GRM5: variants seen among roughly 807,000 people sequenced by gnomAD.
GRM5 encodes metabotropic glutamate receptor 5.
A neutral mutation model predicts 83.1 loss-of-function variants in GRM5; 19 were observed. That is an observed-to-expected ratio of 0.23 (90% CI 0.16 to 0.34). The LOEUF (loss-of-function observed/expected upper bound fraction) is 0.34. Among genes scored for constraint, GRM5 ranks in the 10% least tolerant of loss-of-function variants. GRM5 has a pLI of 1.00. For synonymous variants in GRM5, 675 were observed against 633.6 expected (o/e 1.07, Z -0.98); for missense variants, 1,160 against 1,588.3 (o/e 0.73, Z 4.58).
chr11:88,739,195 A>C (rs951897714), intron 3 of GRM5, among the ~76,000 whole-genome samples: 1 of 152,060 alleles, frequency 6.6e-6, no homozygotes, highest in Non-Finnish European at 1.5e-5. Flanking sequence ...TCTCCTTGGC[A>C]TATGGTAAAC....
At chr11:88,616,179 C>T (rs1435296988) in intron 4 of GRM5, among the ~76,000 whole-genome samples, 1 of 151,966 alleles carries the variant, frequency 6.6e-6, no homozygotes, top group African/African-American at 2.4e-5. Flanking sequence ...GTACCTGGTC[C>T]CTGACCCAAG....
intron 2 of GRM5, among the ~76,000 whole-genome samples, chr11:88,851,525 A>T (rs1346951445): frequency 6.6e-6 from 1 of 152,210 alleles, no homozygotes; most frequent in African/African-American, 2.4e-5. Context: ...ATGTTAGCTC[A>T]CTGCTCCTTA....
At chr11:89,020,202 C>G (rs1312475839) in intron 2 of GRM5, among the ~76,000 whole-genome samples, 1 of 152,196 alleles carries the variant, frequency 6.6e-6, no homozygotes, top group Non-Finnish European at 1.5e-5. Flanking sequence ...GTGAAAGTCT[C>G]AGATAACACA....
chr11:88,764,130 A>G (rs1017720559), intron 3 of GRM5, among the ~76,000 whole-genome samples: 4 of 151,828 alleles, frequency 2.6e-5, no homozygotes, highest in African/African-American at 9.7e-5. Context: ...CAAGAAGGGC[A>G]TCACATATTG....
At chr11:88,825,301 G>C (rs1255759014) in intron 3 of GRM5, among the ~76,000 whole-genome samples, 1 of 150,984 alleles carries the variant, frequency 6.6e-6, no homozygotes, top group Non-Finnish European at 1.5e-5. Flanking sequence ...GATGTATATT[G>C]TTTTTGTGAA....
chr11:89,061,100 T>A (rs1591087339), intron 1 of GRM5, among the ~76,000 whole-genome samples: 1 of 152,266 alleles, frequency 6.6e-6, no homozygotes, highest in Non-Finnish European at 1.5e-5. Context: ...TATCAACATA[T>A]ATAAAAAGTA....
At chr11:88,783,087 T>C (rs1943003652) in intron 3 of GRM5, among the ~76,000 whole-genome samples, 1 of 152,168 alleles carries the variant, frequency 6.6e-6, no homozygotes. Flanking sequence ...ATTACTGTGC[T>C]AACTGGTGGT....
chr11:88,845,557 C>T (rs1416801885), intron 3 of GRM5, among the ~76,000 whole-genome samples: 1 of 150,928 alleles, frequency 6.6e-6, no homozygotes, highest in Non-Finnish European at 1.5e-5. Flanking sequence ...CCTCAGCCTC[C>T]AGAGTAGCTG....
intron 6 of GRM5, among the ~76,000 whole-genome samples, chr11:88,592,761 C>A (rs968871369): frequency 4.6e-5 from 7 of 152,146 alleles, no homozygotes; most frequent in Non-Finnish European, 8.8e-5. Context: ...GAGGTAGTGA[C>A]AATTCTCTTT....
intron 2 of GRM5, among the ~76,000 whole-genome samples, chr11:88,988,010 G>C (rs1433018703): frequency 6.6e-6 from 1 of 151,588 alleles, no homozygotes. Flanking sequence ...GCTGGACGGA[G>C]AACGACTTTG....
intron 2 of GRM5, among the ~76,000 whole-genome samples, chr11:88,860,384 T>A (rs1184833557): frequency 2.6e-5 from 4 of 152,136 alleles, no homozygotes; most frequent in African/African-American, 4.8e-5. Context: ...TAATTCCATT[T>A]CCACAGAAAG....
chr11:88,768,343 G>C (rs1942663536), intron 3 of GRM5, among the ~76,000 whole-genome samples: 2 of 151,970 alleles, frequency 1.3e-5, no homozygotes, highest in Admixed American at 1.3e-4. Context: ...TCCAATCACA[G>C]AAAAGACAAA....
intron 3 of GRM5, among the ~76,000 whole-genome samples, chr11:88,670,074 G>A (rs977649918): frequency 2.6e-5 from 4 of 151,764 alleles, no homozygotes; most frequent in Non-Finnish European, 5.9e-5. Flanking sequence ...TGAAATTATG[G>A]GACCAATAGA....
intron 3 of GRM5, among the ~76,000 whole-genome samples, chr11:88,705,499 T>G: frequency 6.6e-6 from 1 of 152,042 alleles, no homozygotes; most frequent in East Asian, 1.9e-4. Flanking sequence ...TTATTTTGGT[T>G]AATTAGCTTT....
chr11:88,800,032 AAG>A (rs1943359065), intron 3 of GRM5, among the ~76,000 whole-genome samples: 1 of 152,138 alleles, frequency 6.6e-6, no homozygotes, highest in African/African-American at 2.4e-5. Flanking sequence ...AGAAAAATCT[AAG>A]AAGCAATTTC....
In GRM5 at chr11:89,038,208, C is replaced by G. The variant is rs192268499; in HGVS notation, c.661+9004G>C. Among the ~76,000 whole-genome samples the G allele has an allele frequency of 4.3e-4, 65 of 151,730 alleles. 1 individual carries two copies. Among genetic ancestry groups the G allele is most frequent in the African/African-American group, 1.6e-3 (65 of 41,336 alleles). On this transcript the variant is annotated intron_variant, in intron 2 of 9. Coordinates refer to ENST00000305447, the MANE Select transcript of GRM5 (RefSeq NM_001143831.3). ...ATCAATGTGTAAATGTAACATTGGG[C>G]TGAAATCACATTACAAAGTCCCCTA...
intron 9 of GRM5, 85 bp from the exon 10 acceptor site, chr11:88,509,589 G>A (rs1244908850): frequency 1.1e-6 from 1 of 918,934 alleles, no homozygotes; most frequent in East Asian, 2.7e-5. Context: ...GTTGCTCATG[G>A]GCCCCGGACT....
intron 3 of GRM5, among the ~76,000 whole-genome samples, chr11:88,694,305 C>T (rs752380829): frequency 3.8e-4 from 58 of 152,108 alleles, no homozygotes; most frequent in Non-Finnish European, 1.0e-4. Flanking sequence ...CTTTTACACA[C>T]CGTTAGGTCT....
chr11:88,796,296 T>A (rs184405026), intron 3 of GRM5, among the ~76,000 whole-genome samples: 30 of 152,334 alleles, frequency 2.0e-4, no homozygotes, highest in African/African-American at 7.0e-4. Context: ...TTCAAATAAC[T>A]CTTAAACACC....
Sources: allele counts gnomAD v4.1 joint callset (sites outside exome capture counted in the v4.1 genomes callset), GRCh38; gene constraint gnomAD v4.1.1; transcripts MANE v1.5; gene names NCBI Gene and HGNC (gene_info 2026-07-23, HGNC 2026-07-21).